AP3M2: variants seen among roughly 807,000 people sequenced by gnomAD.
AP3M2 encodes the protein AP-3 complex subunit mu-2.
In AP3M2, 28 loss-of-function variants were observed where a neutral mutation model predicts 41.6. The observed-to-expected ratio is 0.67, with a 90% CI of 0.50 to 0.92. AP3M2 has a LOEUF of 0.92. AP3M2 is among the 40% of genes least tolerant of loss of function. The probability of loss-of-function intolerance (pLI) is 0.00; values close to 1 mark genes in which losing one functional copy is unlikely to be tolerated. For missense variants in AP3M2, 427 were observed against 521.4 expected (o/e 0.82, Z 1.76); for synonymous variants, 193 against 186.4 (o/e 1.04, Z -0.29).
intron 3 of AP3M2, among the ~76,000 whole-genome samples, chr8:42,161,344 C>G (rs1181244078): frequency 1.3e-5 from 2 of 152,144 alleles, no homozygotes; most frequent in African/African-American, 4.8e-5. Context: ...GGCATGGTGG[C>G]TCACATCTGT....
chr8:42,163,015 T>C (rs1277411156), intron 4 of AP3M2, among the ~76,000 whole-genome samples: 1 of 147,506 alleles, frequency 6.8e-6, no homozygotes, highest in East Asian at 2.0e-4. Flanking sequence ...TTCTCGAAAG[T>C]ATTTGGCTCC....
Position 42,168,969 on chromosome 8 carries a change from G to T in AP3M2, c.1165G>T (p.Val389Leu), listed in dbSNP as rs1057503002. 1.9e-6 allele frequency: 3 copies of T among 1,602,840 alleles called. No homozygotes were observed. Among genetic ancestry groups the T allele is most frequent in the Admixed American group, 1.7e-5 (1 of 57,834 alleles). The stretch of plus-strand genomic sequence containing the variant: ...CTCTCCCTCCTTTCTAGGACTCAAG[G>T]TGAATCGTCTGGATATGTATGGAGA... ...IQQLAISGLK[V>L]NRLDMYGEKY... is the part of the protein sequence containing the mutation. Residue 389 changes from valine (V) to leucine (L), a missense_variant, in exon 9 of 9, where the codon GTG (valine) becomes TTG (leucine). By Grantham distance (32) the Val-to-Leu change is conservative. Coordinates refer to ENST00000396926, the MANE Select transcript of AP3M2 (RefSeq NM_006803.4).
At position 42,165,561 on chromosome 8, in the gene AP3M2, G is replaced by A. The variant is rs766840241; in HGVS notation, c.803+1G>A. On this transcript the variant is annotated splice_donor_variant, in intron 6 of 8. Coordinates refer to ENST00000396926, the MANE Select transcript of AP3M2 (RefSeq NM_006803.4). LOFTEE classifies it high-confidence loss of function. ...TGTCTTACCATGTCAGTGCACAGAA[G>A]TAAGCAGCTCTTATAATTAAGAATG... The A allele has an allele frequency of 6.2e-7, 1 of 1,614,046 alleles. No homozygotes were observed. Among genetic ancestry groups the A allele is most frequent in the South Asian group, 1.1e-5 (1 of 91,068 alleles).
chr8:42,164,890 G>C (rs1357077971), intron 4 of AP3M2, among the ~76,000 whole-genome samples, 181 bp from the exon 5 acceptor site: 2 of 152,070 alleles, frequency 1.3e-5, no homozygotes, highest in African/African-American at 4.8e-5. Flanking sequence ...ATGATGGATA[G>C]ATGGATTGTA....
In AP3M2 at chr8:42,169,017, A is replaced by G. The variant is rs764728197; in HGVS notation, c.1213A>G (p.Ile405Val). The G allele has an allele frequency of 2.5e-6, 4 of 1,612,744 alleles. No individual in the cohort carries two copies. Among genetic ancestry groups the G allele is most frequent in the African/African-American group, 1.3e-5 (1 of 74,828 alleles). Residue 405 changes from isoleucine to valine, a missense_variant, in exon 9 of 9, where the codon ATA becomes GTA. This residue lies in a region of AP3M2 where 237 missense variants were observed against 284.9 expected (regional missense o/e 0.83). Transcript: ENST00000396926. ...YGEKYKPFKG[I>V]KYMTKAGKFQ... ...AGAAAAGTACAAACCCTTTAAGGGC[A>G]TAAAATACATGACCAAAGCTGGGAA... is the stretch of plus-strand genomic sequence containing the variant.
intron 1 of AP3M2, 130 bp from the exon 2 acceptor site, chr8:42,154,486 A>T: frequency 1.6e-6 from 1 of 633,008 alleles, no homozygotes; most frequent in Admixed American, 3.2e-5. Context: ...AGGGAGGGCT[A>T]TCTTCAGGCT....
intron 4 of AP3M2, among the ~76,000 whole-genome samples, chr8:42,163,804 A>G (rs1804570940): frequency 6.6e-6 from 1 of 152,208 alleles, no homozygotes; most frequent in South Asian, 2.1e-4. Flanking sequence ...TAGTATTTGC[A>G]TAAATGTATA....
chr8:42,158,619 A>G (rs1309832515), intron 3 of AP3M2, among the ~76,000 whole-genome samples: 2 of 152,178 alleles, frequency 1.3e-5, no homozygotes, highest in Non-Finnish European at 2.9e-5. Flanking sequence ...TTTAATGACA[A>G]AATGAAGTGT....
At position 42,154,754 on chromosome 8, in the gene AP3M2, G is replaced by C; in HGVS notation, c.67G>C (p.Val23Leu). ...DIFLEKHWKS[V>L]VSRSVCDYFF... ...TTTCCTGGAGAAACATTGGAAAAGTGTGGTCAGCCGTTCTGTTTGTGATTA... is the reference window on the plus strand; with the variant it reads ...TTTCCTGGAGAAACATTGGAAAAGTCTGGTCAGCCGTTCTGTTTGTGATTA... Residue 23 changes from valine to leucine, a missense_variant, in exon 2 of 9, where the codon GTG becomes CTG. By Grantham distance (32) the Val-to-Leu change is conservative (BLOSUM62 1). Coordinates refer to ENST00000396926, the MANE Select transcript of AP3M2 (RefSeq NM_006803.4). The C allele has an allele frequency of 6.2e-7, 1 of 1,614,208 alleles. No individual in the cohort carries two copies. Among genetic ancestry groups the C allele is most frequent in the Non-Finnish European group, 8.5e-7 (1 of 1,180,042 alleles).
rs1254873251 is a variant in AP3M2 at position 42,162,284 on chromosome 8, G to A, written c.449G>A (p.Ser150Asn). 2 of 1,610,848 alleles carry A rather than the reference G, an allele frequency of 1.2e-6. No individual in the cohort carries two copies. The highest frequency in any genetic ancestry group is 1.7e-6 in the Non-Finnish European group (2 of 1,178,718). Residue 150 changes from serine to asparagine, a missense_variant, in exon 4 of 9, where the codon AGC becomes AAC. Transcript: ENST00000396926. The part of the protein sequence containing the change: ...LRTVVNTITG[S>N]TNVGDQLPTG... ...ACAGTAATATTAATTGCCTCAGGAA[G>A]CACGAATGTGGGTGACCAGCTTCCC...
intron 6 of AP3M2, 33 bp from the exon 7 acceptor site, chr8:42,167,131 C>G (rs373036548): frequency 6.3e-7 from 1 of 1,595,670 alleles, no homozygotes; most frequent in African/African-American, 1.3e-5. Context: ...TCCCAGTGCA[C>G]GAATGAAATG....
intron 4 of AP3M2, among the ~76,000 whole-genome samples, chr8:42,163,924 C>T (rs1364375932): frequency 1.3e-5 from 2 of 152,092 alleles, no homozygotes; most frequent in Non-Finnish European, 2.9e-5. Context: ...CCTTGCCTGC[C>T]AGTTTAAGGA....
chr8:42,157,883 T>C (rs1804399397), intron 2 of AP3M2, 58 bp from the exon 3 acceptor site: 1 of 1,497,452 alleles, frequency 6.7e-7, no homozygotes, highest in Non-Finnish European at 9.2e-7. Flanking sequence ...CATTCTTTTA[T>C]TTATTTATTT....
Position 42,167,778 on chromosome 8 carries a change from T to C in AP3M2, c.1124T>C (p.Leu375Pro), listed in dbSNP as rs774279288. 1 of 1,614,056 alleles carries C rather than the reference T, an allele frequency of 6.2e-7. No homozygotes were observed. The highest frequency in any genetic ancestry group is 8.5e-7 in the Non-Finnish European group (1 of 1,179,976). Reference sequence around the variant, plus strand: ...CCAGATGAAAACCCCACAATTAACCTGCAGTTTAAGATCCAGCAGCTGGCC... The same window carrying C: ...CCAGATGAAAACCCCACAATTAACCCGCAGTTTAAGATCCAGCAGCTGGCC... ...SKPDENPTIN[L>P]QFKIQQLAIS... is the part of the protein sequence containing the mutation. The change falls in exon 8 of 9, where the codon CTG becomes CCG. Residue 375 changes from leucine to proline, a missense_variant. Leu to Pro is a moderately conservative substitution (Grantham distance 98). This residue lies in a region of AP3M2 where 237 missense variants were observed against 284.9 expected (regional missense o/e 0.83). Coordinates refer to ENST00000396926, the MANE Select transcript of AP3M2 (RefSeq NM_006803.4).
intron 5 of AP3M2, 67 bp downstream of exon 5, chr8:42,165,223 A>G: frequency 6.5e-7 from 1 of 1,535,704 alleles, no homozygotes; most frequent in South Asian, 1.2e-5. Flanking sequence ...AAGACAGAGT[A>G]GTGGGAATGG....
intron 2 of AP3M2, among the ~76,000 whole-genome samples, chr8:42,156,748 A>G (rs756384146): frequency 1.6e-4 from 25 of 152,134 alleles, no homozygotes; most frequent in Admixed American, 1.3e-4. Context: ...TTTAGACTCT[A>G]GTAGAGTCTG....
Position 42,165,313 on chromosome 8 carries a change from C to CTG in AP3M2, c.670-99_670-98dup, listed in dbSNP as rs150897190. The stretch of plus-strand genomic sequence containing the variant: ...TTTTCTAGAAGTCACTACATGATTT[C>CTG]TGTGTGTGTGTGTGTGGTGTGTTTT... On this transcript the variant is annotated intron_variant, in intron 5 of 8. Transcript: ENST00000396926. The CTG allele has an allele frequency of 9.6e-4, 1,342 of 1,399,106 alleles. 1 individual carries two copies. Among genetic ancestry groups the CTG allele is most frequent in the South Asian group, 3.9e-3 (289 of 74,818 alleles). 86.7% of individuals were successfully genotyped at this position (1,399,106 alleles called of 1,614,324 possible).
chr8:42,164,528 C>T (rs754016441), intron 4 of AP3M2, among the ~76,000 whole-genome samples: 9 of 152,174 alleles, frequency 5.9e-5, no homozygotes, highest in Non-Finnish European at 1.0e-4. Context: ...GAGAACCTGC[C>T]GAAGACACTG....
Position 42,154,914 on chromosome 8 carries a change from C to A in AP3M2, c.227C>A (p.Pro76His). Residue 76 changes from proline (P) to histidine (H), a missense_variant, in exon 2 of 9, where the codon CCT becomes CAT. Pro to His is a moderately conservative substitution (Grantham distance 77). Coordinates refer to ENST00000396926, the MANE Select transcript of AP3M2 (RefSeq NM_006803.4). The part of the protein sequence containing the change: ...FVAVIQTEVP[P>H]LFVIEFLHRV... Reference sequence around the variant, plus strand: ...GCCGTGATCCAGACGGAGGTCCCCCCTCTGTTTGTCATTGAGTTTCTTCAC... The same window carrying A: ...GCCGTGATCCAGACGGAGGTCCCCCATCTGTTTGTCATTGAGTTTCTTCAC... The A allele has an allele frequency of 6.2e-7, 1 of 1,614,160 alleles. No individual in the cohort carries two copies. The highest frequency in any genetic ancestry group is 8.5e-7 in the Non-Finnish European group (1 of 1,180,024).
Sources: gnomAD v4.1 joint callset for allele counts (sites outside exome capture counted in the v4.1 genomes callset) on GRCh38, gnomAD v4.1.1 for gene constraint, gnomAD v4.1.1 regional missense constraint, MANE v1.5 for transcripts, NCBI Gene and HGNC (gene_info 2026-07-23, HGNC 2026-07-21) for gene names.